The following SSH1 variants were observed in gnomAD, a reference collection of about 807,000 sequenced individuals.
SSH1 encodes protein phosphatase Slingshot homolog 1.
In SSH1, 43 loss-of-function variants were observed where a neutral mutation model predicts 79.7. The ratio of observed to expected loss-of-function variants is 0.54; its 90% CI spans 0.42 to 0.70. The LOEUF is 0.70. SSH1 is among the 30% of genes least tolerant of loss of function. The probability of loss-of-function intolerance (pLI) is 0.00; values close to 1 mark genes in which losing one functional copy is unlikely to be tolerated. For missense variants in SSH1, 1,206 were observed against 1,358.8 expected, an observed-to-expected ratio of 0.89 and a Z score of 1.77; for synonymous variants, 599 against 538.3, an observed-to-expected ratio of 1.11 and a Z score of -1.56.
chr12:108,836,835 G>A, intron 2 of SSH1: 1 of 502,982 alleles, frequency 2.0e-6, no homozygotes, highest in South Asian at 1.5e-5. Context: ...TCCCTTGGGT[G>A]ATGTTCCAGC....
rs545295820 is a variant in SSH1, at chr12:108,788,608, T to C, written c.2530A>G (p.Arg844Gly). 6.2e-7 allele frequency: 1 copy of C among 1,609,374 alleles called. No individual in the cohort carries two copies. Among genetic ancestry groups the C allele is most frequent in the South Asian group, 1.1e-5 (1 of 90,972 alleles). ...SVPADPAPPS[R>G]DGPASRLEAS... ...TCCAGCCTGCTGGCAGGGCCATCCCTGGAGGGAGGTGCTGGGTCTGCAGGC... is the reference window on the plus strand; with the variant it reads ...TCCAGCCTGCTGGCAGGGCCATCCCCGGAGGGAGGTGCTGGGTCTGCAGGC... Residue 844 changes from arginine (R) to glycine (G), a missense_variant, in exon 15 of 15, where the codon AGG becomes GGG. Around this residue, in one of 5 missense-constraint regions of SSH1, gnomAD observed 709 missense variants for 730.6 expected, o/e 0.97. Coordinates refer to ENST00000326495, the MANE Select transcript of SSH1 (RefSeq NM_018984.4).
Position 108,807,561 on chromosome 12 carries a change from G to T in SSH1, c.731+72C>A. On this transcript the variant is annotated intron_variant, in intron 8 of 14. Coordinates refer to ENST00000326495, the MANE Select transcript of SSH1 (RefSeq NM_018984.4). This position sits in a 1 kb window ranked among gnomAD's most constrained non-coding sequence, Gnocchi z 5.2. The stretch of plus-strand genomic sequence containing the variant: ...TGGCCCAATGCAGGTTCAGGGTCGG[G>T]CACAGGGCAGGTGGGGGAGAGGCAG... The T allele has an allele frequency of 6.7e-7, 1 of 1,492,738 alleles. No individual in the cohort carries two copies. The highest frequency in any genetic ancestry group is 9.3e-7 in the Non-Finnish European group (1 of 1,075,564). 92.5% of individuals were successfully genotyped at this position (1,492,738 alleles called of 1,614,324 possible).
At chr12:108,809,845 A>G in intron 6 of SSH1, 87 bp from the exon 7 acceptor site, 2 of 1,112,896 alleles carry the variant, frequency 1.8e-6, no homozygotes, top group Non-Finnish European at 2.8e-6. Context: ...GAGCCAAACC[A>G]CTGCGCACGC....
At position 108,798,084 on chromosome 12, in the gene SSH1, A is replaced by G. The variant is rs192770390; in HGVS notation, c.1349+916T>C. ...GCACAGGGTTCACTCCTGCCAGAGC[A>G]AAGAGGCCGGTTCCTCCACTCGCTC... On this transcript the variant is annotated intron_variant, in intron 13 of 14. Coordinates refer to ENST00000326495, the MANE Select transcript of SSH1 (RefSeq NM_018984.4). Among the ~76,000 whole-genome samples the G allele has an allele frequency of 4.6e-3, 696 of 152,340 alleles. 5 individuals carry two copies. The highest frequency in any genetic ancestry group is 6.8e-3 in the Non-Finnish European group (461 of 68,020).
chr12:108,817,826 A>G (rs1320066471), intron 4 of SSH1, among the ~76,000 whole-genome samples: 1 of 152,136 alleles, frequency 6.6e-6, no homozygotes, highest in Non-Finnish European at 1.5e-5. Context: ...TTAGTGCACA[A>G]TTTGAGAATT....
Position 108,807,945 on chromosome 12 carries a change from T to C in SSH1, c.537-118A>G. Reference sequence around the variant, plus strand: ...AGGGCAATGATTGATTGGTTGATTATTTCTTTTTGGGACAGAGTCTCGCTC... The same window carrying C: ...AGGGCAATGATTGATTGGTTGATTACTTCTTTTTGGGACAGAGTCTCGCTC... On this transcript the variant is annotated intron_variant, in intron 7 of 14. Transcript: ENST00000326495. The surrounding 1 kb of genome is among the most constrained non-coding windows in gnomAD (Gnocchi z 5.2). 1.1e-6 allele frequency: 1 copy of C among 944,988 alleles called. No homozygotes were observed. The highest frequency in any genetic ancestry group is 1.6e-6 in the Non-Finnish European group (1 of 608,016). The allele number at this position is 944,988 out of a possible 1,614,324, so 58.5% of individuals were successfully genotyped here. A position where few individuals can be genotyped will look rare whatever the true frequency, so the allele number is the denominator to read the frequency against.
At chr12:108,818,034 C>T (rs922143365) in intron 4 of SSH1, among the ~76,000 whole-genome samples, 5 of 152,040 alleles carry the variant, frequency 3.3e-5, no homozygotes, top group Admixed American at 3.3e-4. Flanking sequence ...ACCCCATATC[C>T]ACAAAATTTT....
intron 2 of SSH1, among the ~76,000 whole-genome samples, chr12:108,826,975 C>T (rs1289589118): frequency 6.6e-6 from 1 of 151,040 alleles, no homozygotes; most frequent in Non-Finnish European, 1.5e-5. Context: ...TCTTCCTCCA[C>T]CGCTGTAAGA....
chr12:108,806,599 C>T (rs1052654928), intron 8 of SSH1, among the ~76,000 whole-genome samples: 3 of 152,152 alleles, frequency 2.0e-5, no homozygotes, highest in African/African-American at 4.8e-5. Context: ...GTCAACAGAG[C>T]AGGGAGCAGG....
rs2003242 is a variant in SSH1 at position 108,785,197 on chromosome 12, T to C, written c.*2791A>G. 6.6e-6 allele frequency: 1 copy of C among 152,184 alleles called. No homozygotes were observed. Among genetic ancestry groups the C allele is most frequent in the Non-Finnish European group, 1.5e-5 (1 of 68,138 alleles). The allele number at this position is 152,184 out of a possible 1,614,324, so 9.4% of individuals were successfully genotyped here. A position where few individuals can be genotyped will look rare whatever the true frequency, so the allele number is the denominator to read the frequency against. ...GTGCAGTGGCGCGATCTCGGCTCAT[T>C]GCAACCTCCGCCACCCAGGTTCAAG... On this transcript the variant is annotated 3_prime_UTR_variant, in exon 15 of 15. Transcript: ENST00000326495.
chr12:108,823,584 A>G (rs1324395670), intron 2 of SSH1, among the ~76,000 whole-genome samples: 6 of 152,196 alleles, frequency 3.9e-5, no homozygotes, highest in African/African-American at 1.4e-4. Context: ...TGCTTCTGTG[A>G]CAACACCCAA....
intron 4 of SSH1, 91 bp downstream of exon 4, chr12:108,818,158 A>G: frequency 9.4e-7 from 1 of 1,063,082 alleles, no homozygotes; most frequent in South Asian, 1.3e-5. Flanking sequence ...AGATCATGCC[A>G]CTGCACTCCA....
intron 10 of SSH1, among the ~76,000 whole-genome samples, chr12:108,802,698 G>A (rs1395234239): frequency 6.6e-6 from 1 of 152,146 alleles, no homozygotes; most frequent in Non-Finnish European, 1.5e-5. Flanking sequence ...GGTCCTGTAA[G>A]CAGAGGCAAT....
At chr12:108,817,284 A>C (rs2037933761) in intron 4 of SSH1, 125 bp from the exon 5 acceptor site, 2 of 1,447,432 alleles carry the variant, frequency 1.4e-6, no homozygotes, top group African/African-American at 2.8e-5. Flanking sequence ...AATGAAGAGA[A>C]AATTCTTGGC....
intron 14 of SSH1, among the ~76,000 whole-genome samples, chr12:108,790,553 G>C (rs947526396): frequency 6.6e-6 from 1 of 152,164 alleles, no homozygotes; most frequent in Non-Finnish European, 1.5e-5. Context: ...AAAAGTGCTG[G>C]GATTATAAGC....
chr12:108,808,887 G>A (rs1446411902), intron 7 of SSH1, among the ~76,000 whole-genome samples: 1 of 140,922 alleles, frequency 7.1e-6, no homozygotes, highest in East Asian at 2.1e-4. Context: ...GGGCTGGAGT[G>A]CAGGGGCGTG....
chr12:108,816,051 C>G (rs1223236619), intron 5 of SSH1, among the ~76,000 whole-genome samples: 2 of 152,224 alleles, frequency 1.3e-5, no homozygotes, highest in South Asian at 2.1e-4. Context: ...GCTGCTCCGC[C>G]TCCACCCTAG....
intron 3 of SSH1, among the ~76,000 whole-genome samples, chr12:108,822,060 TTC>T (rs1355882218): frequency 1.3e-5 from 2 of 152,152 alleles, no homozygotes; most frequent in African/African-American, 2.4e-5. Flanking sequence ...TTTTTCCTCT[TTC>T]TTTCTTTTTG....
chr12:108,795,247 G>C (rs1410521845), intron 13 of SSH1, among the ~76,000 whole-genome samples: 1 of 152,008 alleles, frequency 6.6e-6, no homozygotes, highest in Non-Finnish European at 1.5e-5. Flanking sequence ...CTATTGGGTG[G>C]GTATTCTTTA....
Sources: allele counts gnomAD v4.1 joint callset (sites outside exome capture counted in the v4.1 genomes callset), GRCh38; gene constraint gnomAD v4.1.1; regional missense constraint gnomAD v4.1.1; non-coding constraint Gnocchi (gnomAD v3.1); transcripts MANE v1.5; gene names NCBI Gene and HGNC (gene_info 2026-07-23, HGNC 2026-07-21).